C10orf90: variants seen among roughly 807,000 people sequenced by gnomAD.
C10orf90 encodes (E2-independent) E3 ubiquitin-conjugating enzyme FATS.
In C10orf90, 56 loss-of-function variants were observed where a neutral mutation model predicts 62.5. That is an observed-to-expected ratio of 0.90 (90% CI 0.72 to 1.12). C10orf90 has a LOEUF of 1.12. Among genes scored for constraint, C10orf90 ranks in the 50% most tolerant of loss-of-function variants. The probability of loss-of-function intolerance (pLI) is 0.00; values close to 1 mark genes in which losing one functional copy is unlikely to be tolerated. For missense variants in C10orf90, 970 were observed against 880.4 expected (o/e 1.10, Z -1.29); for synonymous variants, 386 against 340.4 (o/e 1.13, Z -1.47).
intron 2 of C10orf90, among the ~76,000 whole-genome samples, chr10:126,637,579 T>C (rs1845977031): frequency 6.6e-6 from 1 of 152,180 alleles, no homozygotes; most frequent in Non-Finnish European, 1.5e-5. Flanking sequence ...ACACCACCGA[T>C]TGGTCATGAC....
At chr10:126,492,143 A>G (rs903281765) in intron 4 of C10orf90, among the ~76,000 whole-genome samples, 7 of 152,230 alleles carry the variant, frequency 4.6e-5, no homozygotes, top group African/African-American at 1.4e-4. Flanking sequence ...TAGTGTACCA[A>G]TATTAATTGC....
At chr10:126,640,799 T>G (rs181316201) in intron 2 of C10orf90, among the ~76,000 whole-genome samples, 14 of 152,298 alleles carry the variant, frequency 9.2e-5, no homozygotes, top group African/African-American at 2.9e-4. Context: ...CCCAGAAGGA[T>G]AAATCAGACT....
chr10:126,558,645 T>G (rs972583786), intron 2 of C10orf90, among the ~76,000 whole-genome samples: 3 of 152,208 alleles, frequency 2.0e-5, no homozygotes, highest in Non-Finnish European at 4.4e-5. Flanking sequence ...TGAGTGGGGC[T>G]CCTTGCTCTG....
At position 126,533,016 on chromosome 10, in the gene C10orf90, T is replaced by A. The variant is rs1312537330; in HGVS notation, c.314-19077A>T. On this transcript the variant is annotated intron_variant, in intron 2 of 9. Transcript: ENST00000488181. The stretch of plus-strand genomic sequence containing the variant: ...GGCGCTATCTCGGCTCACTGCAAGC[T>A]CCACCTCCCGGGTTCACGTCATTCT... Among the ~76,000 whole-genome samples the A allele has an allele frequency of 4.7e-5, 7 of 150,530 alleles. No individual in the cohort carries two copies. In the South Asian group the frequency reaches 1.3e-3, roughly 28 times the overall value.
At chr10:126,592,205 T>C (rs1043304290) in intron 2 of C10orf90, among the ~76,000 whole-genome samples, 2 of 152,130 alleles carry the variant, frequency 1.3e-5, no homozygotes, top group Non-Finnish European at 2.9e-5. Flanking sequence ...TATTTTAAAA[T>C]TCATATGGAA....
chr10:126,571,486 G>T (rs796952989), intron 2 of C10orf90, among the ~76,000 whole-genome samples: 8 of 152,318 alleles, frequency 5.3e-5, no homozygotes, highest in African/African-American at 1.7e-4. Flanking sequence ...CTGCCACTGG[G>T]AAGCCTCCAG....
At chr10:126,643,453 C>G (rs1259542809) in intron 2 of C10orf90, among the ~76,000 whole-genome samples, 2 of 152,186 alleles carry the variant, frequency 1.3e-5, no homozygotes, top group African/African-American at 4.8e-5. Flanking sequence ...GAGATACATG[C>G]CTGGCCCACG....
intron 2 of C10orf90, among the ~76,000 whole-genome samples, chr10:126,638,270 G>C (rs1195145305): frequency 4.6e-5 from 7 of 152,070 alleles, no homozygotes; most frequent in Non-Finnish European, 2.9e-5. Context: ...GGATGGGGCT[G>C]GTCATGAGCC....
At chr10:126,592,099 T>C (rs1240944215) in intron 2 of C10orf90, among the ~76,000 whole-genome samples, 1 of 152,200 alleles carries the variant, frequency 6.6e-6, no homozygotes, top group East Asian at 1.9e-4. Flanking sequence ...GAAGAATCAA[T>C]ATCATGAAAA....
intron 4 of C10orf90, among the ~76,000 whole-genome samples, chr10:126,465,980 C>A (rs572445496): frequency 6.6e-6 from 1 of 152,160 alleles, no homozygotes; most frequent in Non-Finnish European, 1.5e-5. Flanking sequence ...CAATGTAACA[C>A]TAGGAATTGG....
At chr10:126,658,609 T>C (rs1846443538) in intron 1 of C10orf90, among the ~76,000 whole-genome samples, 1 of 152,242 alleles carries the variant, frequency 6.6e-6, no homozygotes, top group African/African-American at 2.4e-5. Context: ...AAATTTGTGA[T>C]AATAATTTAA....
At chr10:126,506,919 A>AGTGTGTGT (rs61651582) in intron 3 of C10orf90, among the ~76,000 whole-genome samples, 5 of 149,336 alleles carry the variant, frequency 3.3e-5, no homozygotes, top group African/African-American at 9.8e-5. Flanking sequence ...CAGGAGGGCC[A>AGTGTGTGT]GTGTGTGTGT....
rs146581877 is a variant in C10orf90 at position 126,655,650 on chromosome 10, G to A, written c.241-9013C>T. Among the ~76,000 whole-genome samples, 67 of 152,160 alleles carry A rather than the reference G, an allele frequency of 4.4e-4. 1 individual carries two copies. In the East Asian group the frequency reaches 5.8e-3, roughly 13 times the overall value. The stretch of plus-strand genomic sequence containing the variant: ...CCTTCCCCAGGAATTGTTTACCACC[G>A]CTTCCTACTTTCCCCCAATTAGAGT... On this transcript the variant is annotated intron_variant, in intron 1 of 9. Transcript: ENST00000488181.
chr10:126,494,729 A>G (rs1847648663), intron 4 of C10orf90, among the ~76,000 whole-genome samples: 1 of 152,246 alleles, frequency 6.6e-6, no homozygotes, highest in South Asian at 2.1e-4. Context: ...CAACAGCCAT[A>G]TAATGGACCA....
At chr10:126,439,970 C>A (rs761079111) in intron 7 of C10orf90, among the ~76,000 whole-genome samples, 3 of 152,068 alleles carry the variant, frequency 2.0e-5, no homozygotes, top group Non-Finnish European at 2.9e-5. Context: ...GGGAGGGCAG[C>A]CAGAGGTGCA....
chr10:126,569,751 A>G (rs1310401580), intron 2 of C10orf90, among the ~76,000 whole-genome samples: 3 of 152,136 alleles, frequency 2.0e-5, no homozygotes, highest in Non-Finnish European at 4.4e-5. Flanking sequence ...TCTCAGTGTT[A>G]TAAAAGAATA....
intron 4 of C10orf90, among the ~76,000 whole-genome samples, chr10:126,476,908 C>CTTT (rs10590718): frequency 0.054 from 6,573 of 120,620 alleles, 670 homozygotes; most frequent in African/African-American, 0.19. Flanking sequence ...CACCATTTTC[C>CTTT]TTTTTTTTTT....
intron 2 of C10orf90, among the ~76,000 whole-genome samples, chr10:126,606,832 A>G (rs756875751): frequency 7.2e-5 from 11 of 152,166 alleles, no homozygotes; most frequent in Non-Finnish European, 1.6e-4. Flanking sequence ...GCTGGACCTG[A>G]ACATAACCAG....
intron 1 of C10orf90, among the ~76,000 whole-genome samples, chr10:126,656,337 C>T (rs1400538965): frequency 2.0e-5 from 3 of 152,070 alleles, no homozygotes; most frequent in Admixed American, 6.5e-5. Context: ...AAGTACTTCT[C>T]ATACACAGCT....
Sources: allele counts gnomAD v4.1 joint callset (sites outside exome capture counted in the v4.1 genomes callset), GRCh38; gene constraint gnomAD v4.1.1; transcripts MANE v1.5; gene names NCBI Gene and HGNC (gene_info 2026-07-23, HGNC 2026-07-21).